The following CILK1 variants were observed in gnomAD, a reference collection of about 807,000 sequenced individuals.
The protein encoded by CILK1 is ciliogenesis associated kinase 1.
A neutral mutation model predicts 79.2 loss-of-function variants in CILK1; 47 were observed. The observed-to-expected ratio is 0.59, with a 90% CI of 0.47 to 0.76. The LOEUF (loss-of-function observed/expected upper bound fraction) is 0.76, where lower values mean the gene tolerates loss of function less well. Ranked by LOEUF, CILK1 falls within the 30% of genes least tolerant of loss-of-function variation. The pLI, the probability that CILK1 is intolerant of heterozygous loss-of-function variation, is 0.00. For synonymous variants in CILK1, 266 were observed against 275.9 expected, an observed-to-expected ratio of 0.96 and a Z score of 0.36; for missense variants, 660 against 769.5, an observed-to-expected ratio of 0.86 and a Z score of 1.68.
At chr6:53,048,657 C>A (rs1767270105) in intron 1 of CILK1, among the ~76,000 whole-genome samples, 1 of 71,000 alleles carries the variant, frequency 1.4e-5, no homozygotes, top group African/African-American at 6.5e-5. Context: ...ATGGACAATG[C>A]ACTAGAAAAA....
chr6:53,014,537 C>G (rs1764782274), intron 8 of CILK1, among the ~76,000 whole-genome samples: 1 of 152,186 alleles, frequency 6.6e-6, no homozygotes, highest in South Asian at 2.1e-4. Flanking sequence ...TCTGGATAGC[C>G]AAGAGATAAC....
chr6:53,046,767 T>C (rs1228425566), intron 1 of CILK1, among the ~76,000 whole-genome samples: 2 of 152,168 alleles, frequency 1.3e-5, no homozygotes, highest in African/African-American at 4.8e-5. Flanking sequence ...GGCTAGGGTC[T>C]CTCCTTTAAA....
At chr6:53,028,104 G>A (rs541976703) in intron 5 of CILK1, among the ~76,000 whole-genome samples, 5 of 138,940 alleles carry the variant, frequency 3.6e-5, no homozygotes, top group East Asian at 2.1e-4. Context: ...CTGAGATCGC[G>A]CCACTGCACT....
At chr6:53,020,733 G>C (rs977125031) in intron 5 of CILK1, among the ~76,000 whole-genome samples, 8 of 109,972 alleles carry the variant, frequency 7.3e-5, no homozygotes, top group Non-Finnish European at 1.4e-4. Context: ...CACATTATGG[G>C]AGAAATTAAT....
At chr6:53,013,462 C>T (rs1479438831) in intron 9 of CILK1, among the ~76,000 whole-genome samples, 200 bp downstream of exon 9, 2 of 152,214 alleles carry the variant, frequency 1.3e-5, no homozygotes, top group Non-Finnish European at 2.9e-5. Context: ...TTAGTGACAA[C>T]GGTTTTAACA....
Position 53,009,424 on chromosome 6 carries a change from A to G in CILK1, c.1621+15T>C. On this transcript the variant is annotated intron_variant, in intron 12 of 13. Coordinates refer to ENST00000676107, the MANE Select transcript of CILK1 (RefSeq NM_014920.5). Reference sequence around the variant, plus strand: ...TTTGCTTTTTGCCATTTAGGGGTTAATGATCATTACTCACCTGAATTTACT... The same window carrying G: ...TTTGCTTTTTGCCATTTAGGGGTTAGTGATCATTACTCACCTGAATTTACT... The G allele has an allele frequency of 6.2e-7, 1 of 1,613,914 alleles. No homozygotes were observed. The highest frequency in any genetic ancestry group is 8.5e-7 in the Non-Finnish European group (1 of 1,179,796).
chr6:53,039,573 G>A (rs1766569419), intron 2 of CILK1, among the ~76,000 whole-genome samples: 1 of 152,180 alleles, frequency 6.6e-6, no homozygotes, highest in South Asian at 2.1e-4. Context: ...CAGGCAGGCT[G>A]GGGACCTTTT....
chr6:53,024,704 C>T (rs1297782560), intron 5 of CILK1, among the ~76,000 whole-genome samples: 1 of 152,164 alleles, frequency 6.6e-6, no homozygotes, highest in Non-Finnish European at 1.5e-5. Context: ...TTTTCTTACT[C>T]CACAGATGGG....
chr6:53,038,106 T>C, intron 2 of CILK1, 113 bp from the exon 3 acceptor site: 1 of 737,250 alleles, frequency 1.4e-6, no homozygotes, highest in South Asian at 1.5e-5. Flanking sequence ...AAAGTGGGTT[T>C]AAATTTCTAC....
At position 53,019,161 on chromosome 6, in the gene CILK1, T is replaced by C; in HGVS notation, c.491+66A>G. On this transcript the variant is annotated intron_variant, in intron 6 of 13. Coordinates refer to ENST00000676107, the MANE Select transcript of CILK1 (RefSeq NM_014920.5). ...GTTAACATTTGTGACTTTAATATTA[T>C]CCTTAGCATAATGATATCTTTTTAA... 5.5e-6 allele frequency: 8 copies of C among 1,465,128 alleles called. No homozygotes were observed. The South Asian group carries it at 9.1e-5, about 17-fold the overall frequency. The allele number at this position is 1,465,128 out of a possible 1,614,324, so 90.8% of individuals were successfully genotyped here.
At chr6:53,013,608 G>T in intron 9 of CILK1, 54 bp downstream of exon 9, 1 of 1,504,276 alleles carries the variant, frequency 6.6e-7, no homozygotes, top group South Asian at 1.1e-5. Flanking sequence ...CAATAATGGG[G>T]TCAGAAGAGG....
chr6:53,046,547 C>T (rs548646809), intron 1 of CILK1, among the ~76,000 whole-genome samples: 1 of 152,292 alleles, frequency 6.6e-6, no homozygotes, highest in African/African-American at 2.4e-5. Flanking sequence ...TATCAAGGAA[C>T]AAAATCTAAT....
At chr6:53,011,666 C>G in intron 11 of CILK1, 103 bp downstream of exon 11, 5 of 1,087,184 alleles carry the variant, frequency 4.6e-6, no homozygotes, top group Admixed American at 1.7e-5. Flanking sequence ...TGAAGGGAAG[C>G]CCCCTAGTAT....
intron 1 of CILK1, among the ~76,000 whole-genome samples, chr6:53,047,464 C>CTTTT (rs60611050): frequency 2.8e-5 from 2 of 70,710 alleles, no homozygotes; most frequent in African/African-American, 1.2e-4. Context: ...CACTACCAGG[C>CTTTT]TTTTTTTTTT....
chr6:53,033,172 C>T (rs1766082282), intron 3 of CILK1, among the ~76,000 whole-genome samples: 1 of 152,228 alleles, frequency 6.6e-6, no homozygotes, highest in Admixed American at 6.5e-5. Flanking sequence ...GCATAGAGCA[C>T]TCCTTCTTAC....
chr6:53,035,075 G>A (rs1421977669), intron 3 of CILK1, among the ~76,000 whole-genome samples: 4 of 152,186 alleles, frequency 2.6e-5, no homozygotes, highest in Admixed American at 6.5e-5. Flanking sequence ...TGGATGCCAC[G>A]TATATACCTG....
intron 3 of CILK1, among the ~76,000 whole-genome samples, chr6:53,036,823 A>G (rs1233068795): frequency 1.3e-5 from 2 of 152,232 alleles, no homozygotes; most frequent in African/African-American, 2.4e-5. Flanking sequence ...TGTCCCCTCA[A>G]AAAGAATATC....
intron 5 of CILK1, among the ~76,000 whole-genome samples, chr6:53,025,257 T>C (rs1765499612): frequency 6.6e-6 from 1 of 152,184 alleles, no homozygotes; most frequent in African/African-American, 2.4e-5. Flanking sequence ...TATGTGGCAG[T>C]TCCGTTATAA....
chr6:53,002,712 A>G lies in CILK1; in HGVS notation c.*2437T>C, dbSNP rs979151966. On this transcript the variant is annotated 3_prime_UTR_variant, in exon 14 of 14. Transcript: ENST00000676107. ...ATCAGCTACTTGATTTTTTTTATGA[A>G]TATGTGTTTGGCTTCCCCAGGGAAG... 5.9e-5 allele frequency: 9 copies of G among 152,158 alleles called. No homozygotes were observed. Among genetic ancestry groups the G allele is most frequent in the Non-Finnish European group, 7.4e-5 (5 of 68,022 alleles). 9.4% of individuals were successfully genotyped at this position (152,158 alleles called of 1,614,324 possible).
Sources: gnomAD v4.1 joint callset for allele counts (sites outside exome capture counted in the v4.1 genomes callset) on GRCh38, gnomAD v4.1.1 for gene constraint, MANE v1.5 for transcripts, NCBI Gene and HGNC (gene_info 2026-07-23, HGNC 2026-07-21) for gene names.